Variants in PIEZO2 observed in about 807,000 individuals in gnomAD.
The protein encoded by PIEZO2 is piezo-type mechanosensitive ion channel component 2.
Under a neutral mutation model 337.3 loss-of-function variants are expected in PIEZO2, and 172 were observed. That is an observed-to-expected ratio of 0.51 (90% CI 0.45 to 0.58). The LOEUF (loss-of-function observed/expected upper bound fraction) is 0.58, where lower values mean the gene tolerates loss of function less well. Among genes scored for constraint, PIEZO2 ranks in the 20% least tolerant of loss-of-function variants. PIEZO2 has a pLI of 0.00. For missense variants in PIEZO2, 3,028 were observed against 3,391.3 expected (o/e 0.89, Z 2.66); for synonymous variants, 1,251 against 1,228.5 (o/e 1.02, Z -0.38).
rs138762012 is a variant in PIEZO2, at chr18:10,817,652, G to A, written c.918-10378C>T. Among the ~76,000 whole-genome samples, 66 of 152,242 alleles carry A rather than the reference G, an allele frequency of 4.3e-4. No homozygotes were observed. The East Asian group carries it at 7.3e-3, about 17-fold the overall frequency. On this transcript the variant is annotated intron_variant, in intron 7 of 55. Coordinates refer to ENST00000674853, the MANE Select transcript of PIEZO2 (RefSeq NM_001378183.1). ...ATAGTAGGACTTTATGGCTGGGCGC[G>A]GTGGCTCACGCCTGTAATCCTAGCA... is the stretch of plus-strand genomic sequence containing the variant.
At chr18:10,829,335 C>T (rs937189387) in intron 7 of PIEZO2, among the ~76,000 whole-genome samples, 2 of 151,896 alleles carry the variant, frequency 1.3e-5, no homozygotes, top group Non-Finnish European at 2.9e-5. Flanking sequence ...GATAGACCCA[C>T]AGATAGTATC....
At position 11,077,545 on chromosome 18, in the gene PIEZO2, C is replaced by T. The variant is rs1160656147; in HGVS notation, c.65-11323G>A. Reference sequence around the variant, plus strand: ...ACTAGCTGGGCATGGTGGTGCATGCCTATAGTCCCAGCTACTCTACATGGG... The same window carrying T: ...ACTAGCTGGGCATGGTGGTGCATGCTTATAGTCCCAGCTACTCTACATGGG... On this transcript the variant is annotated intron_variant, in intron 1 of 55. Coordinates refer to ENST00000674853, the MANE Select transcript of PIEZO2 (RefSeq NM_001378183.1). The surrounding 1 kb of genome is among the most constrained non-coding windows in gnomAD (Gnocchi z 4.8). 6.6e-6 allele frequency among the ~76,000 whole-genome samples: 1 copy of T among 152,094 alleles called. No individual in the cohort carries two copies. Among genetic ancestry groups the T allele is most frequent in the Non-Finnish European group, 1.5e-5 (1 of 68,028 alleles).
intron 17 of PIEZO2, among the ~76,000 whole-genome samples, chr18:10,782,311 A>ATATAATTATATATATATAAT (rs2039025441): frequency 2.6e-5 from 2 of 76,144 alleles, no homozygotes; most frequent in Non-Finnish European, 5.1e-5. Flanking sequence ...ATAAATAATT[A>ATATAATTATATATATATAAT]TATAATATAT....
chr18:11,070,878 C>T lies in PIEZO2; in HGVS notation c.65-4656G>A, dbSNP rs934201860. ...CGCAGTCCAGGCTGAGGGGACACAT[C>T]AGGATGCGAGTGGCGGGTACCCAGA... On this transcript the variant is annotated intron_variant, in intron 1 of 55. Coordinates refer to ENST00000674853, the MANE Select transcript of PIEZO2 (RefSeq NM_001378183.1). The surrounding 1 kb of genome is among the most constrained non-coding windows in gnomAD (Gnocchi z 4.3). Among the ~76,000 whole-genome samples the T allele has an allele frequency of 6.6e-6, 1 of 152,112 alleles. No homozygotes were observed. Among genetic ancestry groups the T allele is most frequent in the African/African-American group, 2.4e-5 (1 of 41,434 alleles).
At chr18:10,881,014 A>T (rs1434055792) in intron 4 of PIEZO2, among the ~76,000 whole-genome samples, 1 of 151,150 alleles carries the variant, frequency 6.6e-6, no homozygotes, top group African/African-American at 2.4e-5. Flanking sequence ...TTAGATTACA[A>T]ACTCTGGAAG....
chr18:11,106,830 G>T (rs2039582943), intron 1 of PIEZO2, among the ~76,000 whole-genome samples: 1 of 145,660 alleles, frequency 6.9e-6, no homozygotes, highest in South Asian at 2.5e-4. Flanking sequence ...AAATGGCTTG[G>T]GACTGTTTTT....
chr18:11,014,020 G>A (rs1231338103), intron 2 of PIEZO2, among the ~76,000 whole-genome samples: 2 of 152,226 alleles, frequency 1.3e-5, no homozygotes, highest in Non-Finnish European at 2.9e-5. Context: ...AAAAGGTAAA[G>A]GGATGGTTTG....
At position 11,068,210 on chromosome 18, in the gene PIEZO2, G is replaced by A. The variant is rs529302005; in HGVS notation, c.65-1988C>T. 7.2e-5 allele frequency among the ~76,000 whole-genome samples: 11 copies of A among 152,274 alleles called. No homozygotes were observed. In the East Asian group the frequency reaches 1.9e-3, roughly 27 times the overall value. On this transcript the variant is annotated intron_variant, in intron 1 of 55. Transcript: ENST00000674853. ...GCTGGGATTACAGGTGTGAGCCACC[G>A]CACCCGGCAGAATACACGTTCTTCT...
At chr18:10,886,906 G>C (rs2042622508) in intron 4 of PIEZO2, among the ~76,000 whole-genome samples, 1 of 151,940 alleles carries the variant, frequency 6.6e-6, no homozygotes, top group Non-Finnish European at 1.5e-5. Context: ...GGTTCTGAAG[G>C]CTTTACAGGA....
At chr18:10,771,404 T>C (rs543264562) in intron 20 of PIEZO2, among the ~76,000 whole-genome samples, 1 of 152,388 alleles carries the variant, frequency 6.6e-6, no homozygotes, top group Admixed American at 6.5e-5. Context: ...GTCATGCTTC[T>C]ATCTAGAAGG....
Position 11,047,387 on chromosome 18 carries a change from C to T in PIEZO2, c.160+18740G>A, listed in dbSNP as rs1298856026. 1.3e-5 allele frequency among the ~76,000 whole-genome samples: 2 copies of T among 152,134 alleles called. No individual in the cohort carries two copies. The highest frequency in any genetic ancestry group is 2.9e-5 in the Non-Finnish European group (2 of 68,014). ...GTAGGAGCGAGGGAGCCGCGCAGTG[C>T]AGCAAAGGCTCCTGCCTATCCCACA... On this transcript the variant is annotated intron_variant, in intron 2 of 55. Coordinates refer to ENST00000674853, the MANE Select transcript of PIEZO2 (RefSeq NM_001378183.1). This position sits in a 1 kb window ranked among gnomAD's most constrained non-coding sequence, Gnocchi z 7.2.
intron 3 of PIEZO2, among the ~76,000 whole-genome samples, chr18:10,967,238 C>T (rs534853109): frequency 6.6e-6 from 1 of 152,102 alleles, no homozygotes; most frequent in Admixed American, 6.5e-5. Flanking sequence ...AGGTTGGTCT[C>T]AATCTCCTGA....
chr18:10,763,048 C>A lies in PIEZO2; in HGVS notation c.2997G>T (p.Pro999=), dbSNP rs188464402. The A allele has an allele frequency of 9.8e-6, 15 of 1,537,186 alleles. No individual in the cohort carries two copies. Among genetic ancestry groups the A allele is most frequent in the Admixed American group, 2.0e-5 (1 of 50,986 alleles). Residue 999 remains proline (P), a synonymous_variant, in exon 22 of 56, where the codon CCG becomes CCT. Coordinates refer to ENST00000674853, the MANE Select transcript of PIEZO2 (RefSeq NM_001378183.1). Reference sequence around the variant, plus strand: ...AAGCCAGACGGCGCAGCTTGGCGTACGGCAGAGCAAAAGCCCAAGAAATCA... The same window carrying A: ...AAGCCAGACGGCGCAGCTTGGCGTAAGGCAGAGCAAAAGCCCAAGAAATCA... ...VFLISWAFAL[P]YAKLRRLASS... is the part of the protein sequence containing the mutation.
intron 7 of PIEZO2, among the ~76,000 whole-genome samples, chr18:10,826,601 C>A (rs2040684717): frequency 6.6e-6 from 1 of 152,212 alleles, no homozygotes; most frequent in African/African-American, 2.4e-5. Context: ...CCTAAGTCAG[C>A]AAATTTCTTC....
rs1322804558 is a variant in PIEZO2, at chr18:11,003,108, C to A, written c.161-23448G>T. On this transcript the variant is annotated intron_variant, in intron 2 of 55. Coordinates refer to ENST00000674853, the MANE Select transcript of PIEZO2 (RefSeq NM_001378183.1). The surrounding 1 kb of genome is among the most constrained non-coding windows in gnomAD (Gnocchi z 4.6). Reference sequence around the variant, plus strand: ...AGTGACATGTCTTTGCCGTGCCCTCCCAGGTCTTCCTCCAGCAGGCAGGAT... The same window carrying A: ...AGTGACATGTCTTTGCCGTGCCCTCACAGGTCTTCCTCCAGCAGGCAGGAT... Among the ~76,000 whole-genome samples the A allele has an allele frequency of 6.6e-6, 1 of 152,172 alleles. No individual in the cohort carries two copies. The highest frequency in any genetic ancestry group is 1.5e-5 in the Non-Finnish European group (1 of 68,030).
At position 10,767,754 on chromosome 18, in the gene PIEZO2, C is replaced by T. The variant is rs1020025091; in HGVS notation, c.2946+2394G>A. ...CAGAGCACCCAGAGCTGCTCCAAGG[C>T]TGCGGGGAAGGCTGTCTGGAAGGGC... is the stretch of plus-strand genomic sequence containing the variant. On this transcript the variant is annotated intron_variant, in intron 21 of 55. Coordinates refer to ENST00000674853, the MANE Select transcript of PIEZO2 (RefSeq NM_001378183.1). This position sits in a 1 kb window ranked among gnomAD's most constrained non-coding sequence, Gnocchi z 4.2. 6.6e-6 allele frequency among the ~76,000 whole-genome samples: 1 copy of T among 152,170 alleles called. No homozygotes were observed. Among genetic ancestry groups the T allele is most frequent in the Non-Finnish European group, 1.5e-5 (1 of 68,016 alleles).
At chr18:11,008,473 C>T (rs886793736) in intron 2 of PIEZO2, among the ~76,000 whole-genome samples, 1 of 152,186 alleles carries the variant, frequency 6.6e-6, no homozygotes, top group South Asian at 2.1e-4. Flanking sequence ...GGACCACCAA[C>T]GACTTTCCCA....
chr18:11,145,909 G>C (rs1313223108), intron 1 of PIEZO2, among the ~76,000 whole-genome samples: 2 of 152,168 alleles, frequency 1.3e-5, no homozygotes, highest in African/African-American at 4.8e-5. Context: ...CACCTCCTCT[G>C]CTTTCTCCTG....
chr18:10,825,325 C>G (rs2040636735), intron 7 of PIEZO2, among the ~76,000 whole-genome samples: 1 of 151,932 alleles, frequency 6.6e-6, no homozygotes, highest in East Asian at 1.9e-4. Context: ...GTGGAATGCC[C>G]CTTTGTTTTG....
Sources: allele counts gnomAD v4.1 joint callset (sites outside exome capture counted in the v4.1 genomes callset), GRCh38; gene constraint gnomAD v4.1.1; non-coding constraint Gnocchi (gnomAD v3.1); transcripts MANE v1.5; gene names NCBI Gene and HGNC (gene_info 2026-07-23, HGNC 2026-07-21).